AMDHD2: variants seen among roughly 807,000 people sequenced by gnomAD.
AMDHD2 encodes the protein N-acetylglucosamine-6-phosphate deacetylase.
In AMDHD2, 24 loss-of-function variants were observed where a neutral mutation model predicts 41.8. The observed-to-expected ratio is 0.57, with a 90% CI of 0.42 to 0.81. The LOEUF (loss-of-function observed/expected upper bound fraction) is 0.81, where lower values mean the gene tolerates loss of function less well. AMDHD2 is among the 30% of genes least tolerant of loss of function. The pLI, the probability that AMDHD2 is intolerant of heterozygous loss-of-function variation, is 0.00. For missense variants in AMDHD2, 540 were observed against 588.5 expected, an observed-to-expected ratio of 0.92 and a Z score of 0.85; for synonymous variants, 332 against 255.5, an observed-to-expected ratio of 1.30 and a Z score of -2.85.
chr16:2,522,108 G>A (rs962780413), intron 3 of AMDHD2, among the ~76,000 whole-genome samples: 1 of 152,116 alleles, frequency 6.6e-6, no homozygotes, highest in Admixed American at 6.5e-5. Context: ...TTAAGAGACA[G>A]GGTTTCTCTC....
rs780354370 is a variant in AMDHD2, at chr16:2,530,609, G to A, written c.*1046G>A. The A allele has an allele frequency of 6.2e-6, 10 of 1,614,160 alleles. No individual in the cohort carries two copies. Among genetic ancestry groups the A allele is most frequent in the South Asian group, 3.3e-5 (3 of 91,090 alleles). On this transcript the variant is annotated 3_prime_UTR_variant, in exon 11 of 11. Coordinates refer to ENST00000293971, the MANE Select transcript of AMDHD2 (RefSeq NM_001330449.2). ...GTGCTGTCCTGGGCACAGGAGGTAC[G>A]CGCCTGGCTCTGCCACTGTTCTCTT... is the stretch of plus-strand genomic sequence containing the variant.
chr16:2,526,108 T>C (rs1485324938), intron 3 of AMDHD2, among the ~76,000 whole-genome samples: 1 of 152,216 alleles, frequency 6.6e-6, no homozygotes, highest in Non-Finnish European at 1.5e-5. Context: ...TGCCTGGCCC[T>C]GTCCTCTTTT....
chr16:2,522,041 C>T (rs1037200933), intron 3 of AMDHD2, among the ~76,000 whole-genome samples: 7 of 152,070 alleles, frequency 4.6e-5, no homozygotes, highest in Admixed American at 4.6e-4. Context: ...GCCTTGGCCT[C>T]CCAAAGTGCT....
At position 2,531,041 on chromosome 16, in the gene AMDHD2, A is replaced by T; in HGVS notation, c.*1478A>T. Reference sequence around the variant, plus strand: ...TAGAGGTTGAGCATCGCCTGTGCCCAGCTTGCTGGCTGTCAGTGCTTGATG... The same window carrying T: ...TAGAGGTTGAGCATCGCCTGTGCCCTGCTTGCTGGCTGTCAGTGCTTGATG... On this transcript the variant is annotated 3_prime_UTR_variant, in exon 11 of 11. Coordinates refer to ENST00000293971, the MANE Select transcript of AMDHD2 (RefSeq NM_001330449.2). 1 of 1,598,608 alleles carries T rather than the reference A, an allele frequency of 6.3e-7. No homozygotes were observed. Among genetic ancestry groups the T allele is most frequent in the Non-Finnish European group, 8.6e-7 (1 of 1,168,388 alleles).
rs747599160 is a variant in AMDHD2 at position 2,521,141 on chromosome 16, G to T, written c.360+18G>T. ...ATCACAAGGTGAGGTGAGGCTCCCT[G>T]GCTGAGGTGGAGGGGGCTCCCGGAG... is the stretch of plus-strand genomic sequence containing the variant. On this transcript the variant is annotated intron_variant, in intron 3 of 10. Transcript: ENST00000293971. 6.5e-7 allele frequency: 1 copy of T among 1,548,312 alleles called. No homozygotes were observed. Among genetic ancestry groups the T allele is most frequent in the South Asian group, 1.2e-5 (1 of 84,068 alleles).
intron 5 of AMDHD2, 37 bp downstream of exon 5, chr16:2,528,022 C>A: frequency 6.2e-7 from 1 of 1,611,028 alleles, no homozygotes; most frequent in Non-Finnish European, 8.5e-7. Context: ...GCTTGGGGGA[C>A]CTGGGCCAGG....
chr16:2,530,907 C>T lies in AMDHD2; in HGVS notation c.*1344C>T. On this transcript the variant is annotated 3_prime_UTR_variant, in exon 11 of 11. Coordinates refer to ENST00000293971, the MANE Select transcript of AMDHD2 (RefSeq NM_001330449.2). ...CACCTCTGCCTTGACGGCCGCGCAC[C>T]CCTTAGGAAGTGGCTGTCCAGCGCC... The T allele has an allele frequency of 1.2e-6, 2 of 1,613,522 alleles. No homozygotes were observed. Among genetic ancestry groups the T allele is most frequent in the Non-Finnish European group, 8.5e-7 (1 of 1,179,992 alleles).
At chr16:2,521,986 G>T (rs941482793) in intron 3 of AMDHD2, among the ~76,000 whole-genome samples, 8 of 151,962 alleles carry the variant, frequency 5.3e-5, no homozygotes, top group South Asian at 4.2e-4. Context: ...GGGTTTCACC[G>T]TGTTAGCCAG....
In AMDHD2 at chr16:2,529,572, T is replaced by C. The variant is rs756414845; in HGVS notation, c.*9T>C. On this transcript the variant is annotated 3_prime_UTR_variant, in exon 11 of 11. Coordinates refer to ENST00000293971, the MANE Select transcript of AMDHD2 (RefSeq NM_001330449.2). ...ACGCAGCTAGGCAGTGACAAGGACC[T>C]CGGCTGAGAGGACACCTGGCCGCAG... is the stretch of plus-strand genomic sequence containing the variant. 9.2e-5 allele frequency: 148 copies of C among 1,605,972 alleles called. No homozygotes were observed. The highest frequency in any genetic ancestry group is 1.2e-4 in the Non-Finnish European group (140 of 1,179,884).
Position 2,531,241 on chromosome 16 carries a change from T to C in AMDHD2, c.*1678T>C. ...GTCGGGGAGGGGCTGGCAGAGATGG[T>C]TGGTCCACAGGGCTAGCCCTGGGTG... On this transcript the variant is annotated 3_prime_UTR_variant, in exon 11 of 11. Transcript: ENST00000293971. 1 of 868,624 alleles carries C rather than the reference T, an allele frequency of 1.2e-6. No individual in the cohort carries two copies. The highest frequency in any genetic ancestry group is 1.8e-6 in the Non-Finnish European group (1 of 569,524). The allele number at this position is 868,624 out of a possible 1,614,324, so 53.8% of individuals were successfully genotyped here. A position where few individuals can be genotyped will look rare whatever the true frequency, so the allele number is the denominator to read the frequency against.
Position 2,520,487 on chromosome 16 carries a change from C to A in AMDHD2, c.29C>A (p.Ala10Asp). Residue 10 changes from alanine to aspartate, a missense_variant, in exon 1 of 11, where the codon GCC becomes GAC. Physicochemically the swap from Ala to Asp is moderately radical, Grantham distance 126. Coordinates refer to ENST00000293971, the MANE Select transcript of AMDHD2 (RefSeq NM_001330449.2). ...CGCGGCGAGCAGGGCGCGGCGGGGG[C>A]CCGCGTGCTCCAGTTCACTAACTGC... MRGEQGAAG[A>D]RVLQFTNCRI... 8.1e-7 allele frequency: 1 copy of A among 1,230,252 alleles called. No individual in the cohort carries two copies. The highest frequency in any genetic ancestry group is 1.0e-6 in the Non-Finnish European group (1 of 981,430). The allele number at this position is 1,230,252 out of a possible 1,614,324, so 76.2% of individuals were successfully genotyped here.
intron 3 of AMDHD2, among the ~76,000 whole-genome samples, chr16:2,524,081 C>G (rs577574765): frequency 9.3e-4 from 142 of 152,348 alleles, no homozygotes; most frequent in African/African-American, 3.2e-3. Context: ...AGAGAGCCAA[C>G]TATTGAGGGT....
chr16:2,528,597 C>G, intron 8 of AMDHD2, 38 bp downstream of exon 8: 5 of 1,612,806 alleles, frequency 3.1e-6, no homozygotes, highest in Non-Finnish European at 4.2e-6. Flanking sequence ...GGTCCCAGCC[C>G]GCATGCCAGG....
rs1189290999 is a variant in AMDHD2, at chr16:2,530,534, C to T, written c.*971C>T. On this transcript the variant is annotated 3_prime_UTR_variant, in exon 11 of 11. Transcript: ENST00000293971. The stretch of plus-strand genomic sequence containing the variant: ...CGTCAGGGGTGATTGTCTTGACTTT[C>T]TCTCCATTTGAGTTCTGGGGTGGGT... 6.2e-7 allele frequency: 1 copy of T among 1,614,186 alleles called. No homozygotes were observed. The highest frequency in any genetic ancestry group is 1.7e-5 in the Admixed American group (1 of 60,028).
chr16:2,523,469 T>G (rs950442244), intron 3 of AMDHD2, among the ~76,000 whole-genome samples: 1 of 152,164 alleles, frequency 6.6e-6, no homozygotes, highest in Non-Finnish European at 1.5e-5. Context: ...CAGGACAACC[T>G]TCTGCCTTTC....
At position 2,527,161 on chromosome 16, in the gene AMDHD2, C is replaced by T. The variant is rs574577393; in HGVS notation, c.361-400C>T. ...CTGACACACTCGGTCTTCCTGATGG[C>T]GTCCAGCTCCGGCCATGGTGTGGAC... On this transcript the variant is annotated intron_variant, in intron 3 of 10. Transcript: ENST00000293971. The surrounding 1 kb of genome is among the most constrained non-coding windows in gnomAD (Gnocchi z 6.1). 5.0e-4 allele frequency: 122 copies of T among 244,818 alleles called. No homozygotes were observed. The highest frequency in any genetic ancestry group is 1.7e-3 in the African/African-American group (73 of 43,412). 15.2% of individuals were successfully genotyped at this position (244,818 alleles called of 1,614,324 possible).
Position 2,528,043 on chromosome 16 carries a change from G to C in AMDHD2, c.629-17G>C. 6.2e-7 allele frequency: 1 copy of C among 1,612,380 alleles called. No homozygotes were observed. ...GGGACCTGGGCCAGGTGCAAAGTCTGAATCCAGGTCCCGCAGGGCACTCAG... is the reference window on the plus strand; with the variant it reads ...GGGACCTGGGCCAGGTGCAAAGTCTCAATCCAGGTCCCGCAGGGCACTCAG... On this transcript the variant is annotated splice_polypyrimidine_tract_variant and intron_variant, in intron 5 of 10. Coordinates refer to ENST00000293971, the MANE Select transcript of AMDHD2 (RefSeq NM_001330449.2).
chr16:2,528,537 C>T lies in AMDHD2; in HGVS notation c.948C>T (p.Asp316=), dbSNP rs542092616. The T allele has an allele frequency of 3.5e-5, 57 of 1,612,680 alleles. No homozygotes were observed. The highest frequency in any genetic ancestry group is 2.2e-4 in the South Asian group (20 of 91,062). The change falls in exon 8 of 11, where the codon GAC becomes GAT. Residue 316 remains aspartate, a synonymous_variant. Coordinates refer to ENST00000293971, the MANE Select transcript of AMDHD2 (RefSeq NM_001330449.2). ...TGGGACAGCAGGAAGTGGAAGTGGA[C>T]GGTCTGACGGCCTACGTGGCAGGTG... ...HTLGQQEVEV[D]GLTAYVAGTK... is the part of the protein sequence containing the mutation.
At chr16:2,526,138 G>T (rs1029360350) in intron 3 of AMDHD2, among the ~76,000 whole-genome samples, 1 of 152,160 alleles carries the variant, frequency 6.6e-6, no homozygotes, top group African/African-American at 2.4e-5. Context: ...CCTTTTCGAG[G>T]CTTGCCCAGG....
Sources: gnomAD v4.1 joint callset for allele counts (sites outside exome capture counted in the v4.1 genomes callset) on GRCh38, gnomAD v4.1.1 for gene constraint, Gnocchi (gnomAD v3.1) non-coding constraint, MANE v1.5 for transcripts, NCBI Gene and HGNC (gene_info 2026-07-23, HGNC 2026-07-21) for gene names.